ZNF503: variants seen among roughly 807,000 people sequenced by gnomAD.
ZNF503 encodes the protein zinc finger protein 503, also known as NocA-like zinc finger 2.
ZNF503 carries 15 observed loss-of-function variants against 34.4 expected under a neutral mutation model. That is an observed-to-expected ratio of 0.44 (90% confidence interval 0.29 to 0.67). ZNF503 has a LOEUF of 0.67. Among genes scored for constraint, ZNF503 ranks in the 30% least tolerant of loss-of-function variants. The pLI is 0.13. For missense variants in ZNF503, 1,007 were observed against 926.8 expected (o/e 1.09, Z -1.12); for synonymous variants, 580 against 456.8 (o/e 1.27, Z -3.44).
the ZNF503 span, among the ~76,000 whole-genome samples, chr10:75,285,814 C>T: frequency 6.6e-6 from 1 of 152,180 alleles, no homozygotes; most frequent in Non-Finnish European, 1.5e-5. Context: ...TAGCTGATGG[C>T]AACCTCCTGG....
At chr10:75,397,114 T>C (rs1325221639), downstream of ZNF503, among the ~76,000 whole-genome samples, 1 of 147,890 alleles carries the variant, frequency 6.8e-6, no homozygotes, top group Non-Finnish European at 1.5e-5. Flanking sequence ...CGGCGCGGAA[T>C]GGAATAGAGC....
the ZNF503 span, among the ~76,000 whole-genome samples, chr10:75,338,130 G>T: frequency 1.3e-5 from 2 of 152,328 alleles, no homozygotes; most frequent in East Asian, 3.9e-4. Context: ...GACTTTAGAT[G>T]ACATGTAGAC....
the ZNF503 span, among the ~76,000 whole-genome samples, chr10:75,378,536 C>T: frequency 6.6e-6 from 1 of 152,166 alleles, no homozygotes; most frequent in African/African-American, 2.4e-5. Flanking sequence ...CTCCCTCAGC[C>T]CAGGCAGCAG....
the ZNF503 span, among the ~76,000 whole-genome samples, chr10:75,331,235 G>A: frequency 1.3e-5 from 2 of 152,148 alleles, no homozygotes; most frequent in Non-Finnish European, 1.5e-5. Flanking sequence ...GTCTATTCTG[G>A]AGAATGTTCC....
the ZNF503 span, among the ~76,000 whole-genome samples, chr10:75,289,825 C>T: frequency 2.9e-4 from 44 of 152,204 alleles, no homozygotes; most frequent in African/African-American, 9.6e-4. Context: ...CTTGGCCTCC[C>T]GAAGTGCTGG....
chr10:75,307,496 G>A, the ZNF503 span, among the ~76,000 whole-genome samples: 9 of 152,216 alleles, frequency 5.9e-5, no homozygotes, highest in African/African-American at 2.2e-4. Flanking sequence ...AATAGTGCAA[G>A]GTGAAGCAGC....
the ZNF503 span, among the ~76,000 whole-genome samples, chr10:75,370,503 G>A: frequency 3.3e-5 from 5 of 152,090 alleles, no homozygotes; most frequent in South Asian, 4.2e-4. Flanking sequence ...ATTCCCAGCC[G>A]GGCATGGTGG....
chr10:75,360,266 G>A, the ZNF503 span, among the ~76,000 whole-genome samples: 15 of 150,112 alleles, frequency 1.0e-4, no homozygotes, highest in African/African-American at 1.5e-4. Flanking sequence ...GACTACAGGC[G>A]CCCGCCACCA....
the ZNF503 span, among the ~76,000 whole-genome samples, chr10:75,341,435 C>CT: frequency 3.3e-5 from 5 of 151,854 alleles, no homozygotes; most frequent in South Asian, 2.1e-4. Flanking sequence ...TGACTTGTCT[C>CT]TTTTTTTTGC....
At chr10:75,294,824 G>A in the ZNF503 span, among the ~76,000 whole-genome samples, 656 of 152,130 alleles carry the variant, frequency 4.3e-3, 1 homozygote, top group Middle Eastern at 6.8e-3. Context: ...GGGGGTGTCA[G>A]CGAGGGGCCG....
chr10:75,400,411 G>A, intron 1 of ZNF503, 37 bp from the exon 2 acceptor site: 2 of 1,568,782 alleles, frequency 1.3e-6, no homozygotes, highest in African/African-American at 1.4e-5. Context: ...GCGTCACACA[G>A]AGAAAGAAGT....
the ZNF503 span, among the ~76,000 whole-genome samples, chr10:75,331,143 T>G: frequency 2.0e-3 from 311 of 152,392 alleles, 1 homozygote; most frequent in Non-Finnish European, 3.8e-3. Flanking sequence ...TTTAGTTTTA[T>G]TTCATTGTGG....
downstream of ZNF503, among the ~76,000 whole-genome samples, chr10:75,396,877 T>C (rs1239021347): frequency 1.3e-5 from 2 of 151,974 alleles, no homozygotes; most frequent in Non-Finnish European, 2.9e-5. This position sits in a 1 kb window ranked among gnomAD's most constrained non-coding sequence, Gnocchi z 4.4. Flanking sequence ...TTCTGCGTGC[T>C]TCCTTCGGCG....
the ZNF503 span, among the ~76,000 whole-genome samples, chr10:75,291,166 T>A: frequency 6.6e-6 from 1 of 152,218 alleles, no homozygotes; most frequent in Non-Finnish European, 1.5e-5. Flanking sequence ...CACTTTGCCA[T>A]CCTGAAGTCT....
the ZNF503 span, among the ~76,000 whole-genome samples, chr10:75,354,985 T>C: frequency 6.6e-6 from 1 of 152,008 alleles, no homozygotes; most frequent in Admixed American, 6.5e-5. Context: ...ACTACAGGCA[T>C]GTGCCACCAC....
the ZNF503 span, among the ~76,000 whole-genome samples, chr10:75,364,593 T>C: frequency 6.6e-6 from 1 of 151,956 alleles, no homozygotes; most frequent in East Asian, 1.9e-4. Flanking sequence ...CCCAGCAAAG[T>C]AATACAAAGT....
Position 75,399,596 on chromosome 10 carries a change from C to T in ZNF503, c.1094G>A (p.Gly365Glu). Residue 365 changes from glycine to glutamate, a missense_variant, in exon 2 of 2, where the codon GGG becomes GAG. Physicochemically the swap from Gly to Glu is moderately conservative, Grantham distance 98. Coordinates refer to ENST00000372524, the MANE Select transcript of ZNF503 (RefSeq NM_032772.6). ...AGMTYPGSLA[G>E]AYAGYPPQFL... The stretch of plus-strand genomic sequence containing the variant: ...CTGGGGCGGGTAGCCGGCGTAGGCC[C>T]CGGCCAGGCTGCCTGGGTAGGTCAT... 2.5e-6 allele frequency: 4 copies of T among 1,597,628 alleles called. No individual in the cohort carries two copies. Among genetic ancestry groups the T allele is most frequent in the Non-Finnish European group, 2.5e-6 (3 of 1,179,490 alleles).
chr10:75,390,798 G>A, the ZNF503 span, among the ~76,000 whole-genome samples: 1 of 152,286 alleles, frequency 6.6e-6, no homozygotes, highest in African/African-American at 2.4e-5. Flanking sequence ...AACTTGGGCT[G>A]CCAGACAAAA....
At chr10:75,372,292 G>A in the ZNF503 span, among the ~76,000 whole-genome samples, 15 of 152,328 alleles carry the variant, frequency 9.8e-5, no homozygotes, top group African/African-American at 3.6e-4. Flanking sequence ...ACTGTAGAAA[G>A]ACAGACTCTT....
Sources: gnomAD v4.1 joint callset for allele counts (sites outside exome capture counted in the v4.1 genomes callset) on GRCh38, gnomAD v4.1.1 for gene constraint, Gnocchi (gnomAD v3.1) non-coding constraint, MANE v1.5 for transcripts, NCBI Gene and HGNC (gene_info 2026-07-23, HGNC 2026-07-21) for gene names.